Variants in LRMDA observed in about 807,000 individuals in gnomAD.
LRMDA encodes the protein leucine rich melanocyte differentiation associated, also known as leucine-rich melanocyte differentiation-associated protein.
A neutral mutation model predicts 29.8 loss-of-function variants in LRMDA; 18 were observed. The observed-to-expected ratio is 0.60, with a 90% confidence interval of 0.42 to 0.90. The LOEUF (loss-of-function observed/expected upper bound fraction) is 0.90, where lower values mean the gene tolerates loss of function less well. Among genes scored for constraint, LRMDA ranks in the 40% least tolerant of loss-of-function variants. The pLI is 0.00. For missense variants in LRMDA, 273 were observed against 273.9 expected (o/e 1.00, Z 0.02); for synonymous variants, 125 against 109.4 (o/e 1.14, Z -0.89).
intron 2 of LRMDA, among the ~76,000 whole-genome samples, chr10:75,919,723 T>C (rs1845996411): frequency 6.6e-6 from 1 of 152,148 alleles, no homozygotes; most frequent in Admixed American, 6.5e-5. Context: ...GTTAAGAGAA[T>C]TGAAACTGCA....
Position 75,431,737 on chromosome 10 carries a change from G to T in LRMDA, c.13G>T (p.Val5Leu). The T allele has an allele frequency of 7.3e-7, 1 of 1,370,570 alleles. No homozygotes were observed. The highest frequency in any genetic ancestry group is 9.5e-7 in the Non-Finnish European group (1 of 1,057,126). 84.9% of individuals were successfully genotyped at this position (1,370,570 alleles called of 1,614,324 possible). A position where few individuals can be genotyped will look rare whatever the true frequency, so the allele number is the denominator to read the frequency against. ...CGTCCTGGCCGCCATGGCCGGGCTC[G>T]TGGTGCGTGGAACTCAAGTAAGTCC... MAGL[V>L]VRGTQVSYIG... Residue 5 changes from valine to leucine, a missense_variant, in exon 1 of 7, where the codon GTG (valine) becomes TTG (leucine). Transcript: ENST00000611255.
intron 2 of LRMDA, among the ~76,000 whole-genome samples, chr10:75,850,041 C>G (rs1242579336): frequency 2.6e-5 from 4 of 152,202 alleles, no homozygotes; most frequent in African/African-American, 9.6e-5. Flanking sequence ...TATTTTAGAT[C>G]ATTATGATGA....
chr10:75,920,973 GGTCT>G (rs1316810565), intron 2 of LRMDA, among the ~76,000 whole-genome samples: 1 of 152,038 alleles, frequency 6.6e-6, no homozygotes, highest in Non-Finnish European at 1.5e-5. Context: ...TTTTGTATGT[GGTCT>G]GTCTAATGCC....
At chr10:76,480,566 A>C (rs1229798259) in intron 6 of LRMDA, among the ~76,000 whole-genome samples, 12 of 152,004 alleles carry the variant, frequency 7.9e-5, no homozygotes, top group Admixed American at 7.2e-4. Context: ...CAAAGCCAGG[A>C]ATATAATTTA....
intron 2 of LRMDA, among the ~76,000 whole-genome samples, chr10:75,745,679 C>T (rs72809492): frequency 0.012 from 1,764 of 152,296 alleles, 17 homozygotes; most frequent in Middle Eastern, 0.027. Flanking sequence ...AAACTCCAGA[C>T]TTTATTTGGA....
At chr10:75,805,471 G>T (rs890639592) in intron 2 of LRMDA, among the ~76,000 whole-genome samples, 2 of 152,222 alleles carry the variant, frequency 1.3e-5, no homozygotes, top group Non-Finnish European at 2.9e-5. Context: ...AGCCAACAGA[G>T]TAGACATTTC....
chr10:75,866,796 C>T (rs911039448), intron 2 of LRMDA, among the ~76,000 whole-genome samples: 7 of 152,164 alleles, frequency 4.6e-5, no homozygotes, highest in Non-Finnish European at 7.3e-5. Context: ...AGCCAGCCCA[C>T]ATGTCAATAA....
At chr10:75,508,800 A>G (rs897148711) in intron 2 of LRMDA, among the ~76,000 whole-genome samples, 4 of 152,122 alleles carry the variant, frequency 2.6e-5, no homozygotes, top group African/African-American at 9.7e-5. Context: ...ATATATTTGC[A>G]TATGTGTTGG....
At chr10:76,178,856 T>C (rs1164022169) in intron 5 of LRMDA, among the ~76,000 whole-genome samples, 1 of 152,174 alleles carries the variant, frequency 6.6e-6, no homozygotes, top group Non-Finnish European at 1.5e-5. Context: ...TCAGAGGAAA[T>C]CCCTCATTCC....
intron 6 of LRMDA, among the ~76,000 whole-genome samples, chr10:76,412,299 T>C (rs547615664): frequency 6.6e-6 from 1 of 152,338 alleles, no homozygotes; most frequent in East Asian, 1.9e-4. Context: ...TTTCTCCTGC[T>C]TCTACATAGG....
intron 5 of LRMDA, among the ~76,000 whole-genome samples, chr10:76,071,654 T>C (rs1848878256): frequency 1.3e-5 from 2 of 152,346 alleles, no homozygotes; most frequent in South Asian, 2.1e-4. Flanking sequence ...TTGCACATTA[T>C]ATGACTAAAT....
At chr10:75,513,317 C>T (rs1255814117) in intron 2 of LRMDA, among the ~76,000 whole-genome samples, 5 of 152,210 alleles carry the variant, frequency 3.3e-5, no homozygotes, top group African/African-American at 4.8e-5. Context: ...TTCTTGCGTG[C>T]GTGTTGGCTT....
chr10:75,701,383 T>G (rs1464223460), intron 2 of LRMDA, among the ~76,000 whole-genome samples: 1 of 152,224 alleles, frequency 6.6e-6, no homozygotes, highest in African/African-American at 2.4e-5. Context: ...GATGTTCAGA[T>G]AAATTAAATT....
intron 2 of LRMDA, among the ~76,000 whole-genome samples, chr10:76,027,475 G>A (rs1237158605): frequency 6.6e-6 from 1 of 152,046 alleles, no homozygotes; most frequent in Non-Finnish European, 1.5e-5. Flanking sequence ...CCTTACCTGG[G>A]GGTTAACGGT....
intron 2 of LRMDA, among the ~76,000 whole-genome samples, chr10:75,552,106 T>C (rs1297589806): frequency 6.6e-6 from 1 of 152,136 alleles, no homozygotes; most frequent in Non-Finnish European, 1.5e-5. Flanking sequence ...TCTTTTATTA[T>C]CCACATTTTA....
At chr10:76,177,593 C>T (rs1025154344) in intron 5 of LRMDA, among the ~76,000 whole-genome samples, 5 of 152,138 alleles carry the variant, frequency 3.3e-5, no homozygotes, top group African/African-American at 1.2e-4. Context: ...AGATGCTCAA[C>T]TCTTTGAAAA....
At chr10:76,041,562 T>A (rs1391327756) in intron 3 of LRMDA, among the ~76,000 whole-genome samples, 5 of 152,218 alleles carry the variant, frequency 3.3e-5, no homozygotes, top group Non-Finnish European at 7.3e-5. Context: ...CCAGTGGTTA[T>A]GGAGGTTGCC....
At chr10:75,826,984 T>C (rs1274767315) in intron 2 of LRMDA, among the ~76,000 whole-genome samples, 1 of 151,686 alleles carries the variant, frequency 6.6e-6, no homozygotes, top group Non-Finnish European at 1.5e-5. Context: ...GATGATCCCC[T>C]GAGATCATTT....
chr10:76,423,674 C>T (rs1431878740), intron 6 of LRMDA, among the ~76,000 whole-genome samples: 3 of 152,202 alleles, frequency 2.0e-5, no homozygotes, highest in Non-Finnish European at 1.5e-5. Context: ...TTAGCTGCTG[C>T]TATTGCTGCT....
Sources: allele counts gnomAD v4.1 joint callset (sites outside exome capture counted in the v4.1 genomes callset), GRCh38; gene constraint gnomAD v4.1.1; transcripts MANE v1.5; gene names NCBI Gene and HGNC (gene_info 2026-07-23, HGNC 2026-07-21).